The following MAP2 variants were observed in gnomAD, a reference collection of about 807,000 sequenced individuals.
MAP2 encodes microtubule associated protein 2.
MAP2 carries 14 observed loss-of-function variants against 137.6 expected under a neutral mutation model. The observed-to-expected ratio is 0.10, with a 90% CI of 0.07 to 0.16. The LOEUF is 0.16. MAP2 is among the 10% of genes least tolerant of loss of function. The probability of loss-of-function intolerance (pLI) is 1.00; values close to 1 mark genes in which losing one functional copy is unlikely to be tolerated. For synonymous variants in MAP2, 786 were observed against 782.3 expected, an observed-to-expected ratio of 1.00 and a Z score of -0.08; for missense variants, 2,088 against 2,191.5, an observed-to-expected ratio of 0.95 and a Z score of 0.94.
chr2:209,527,934 G>GGGCA (rs1466671520), intron 2 of MAP2, among the ~76,000 whole-genome samples: 2 of 152,096 alleles, frequency 1.3e-5, no homozygotes, highest in Non-Finnish European at 2.9e-5. Context: ...CAAAATCCCT[G>GGGCA]TAATTTCTCT....
intron 1 of MAP2, among the ~76,000 whole-genome samples, chr2:209,465,469 T>C (rs1703903237): frequency 2.6e-5 from 4 of 152,116 alleles, no homozygotes; most frequent in East Asian, 1.9e-4. Flanking sequence ...ACACAAAATA[T>C]GGTATTGCAT....
chr2:209,677,552 TAGTG>T (rs982183378), intron 5 of MAP2, among the ~76,000 whole-genome samples: 9 of 152,196 alleles, frequency 5.9e-5, no homozygotes, highest in East Asian at 3.9e-4. Flanking sequence ...GCAGGTCTGA[TAGTG>T]AGTATGTTTC....
At chr2:209,453,558 C>T (rs1349580597) in intron 1 of MAP2, among the ~76,000 whole-genome samples, 2 of 152,140 alleles carry the variant, frequency 1.3e-5, no homozygotes, top group Non-Finnish European at 2.9e-5. Flanking sequence ...ATGACTGTTA[C>T]TGTTTATATT....
intron 1 of MAP2, among the ~76,000 whole-genome samples, chr2:209,430,145 A>G (rs991966354): frequency 4.0e-5 from 6 of 149,828 alleles, no homozygotes; most frequent in Non-Finnish European, 8.9e-5. Context: ...TCAGTTATTC[A>G]TTCTTTTTAT....
chr2:209,555,970 G>A lies in MAP2; in HGVS notation c.-171-24066G>A, dbSNP rs184820939. ...AATGGTATTAGTTCTGGAAAAGCTGGATTTTCTGCTTGAAAAGAAATTGAA... is the reference window on the plus strand; with the variant it reads ...AATGGTATTAGTTCTGGAAAAGCTGAATTTTCTGCTTGAAAAGAAATTGAA... On this transcript the variant is annotated intron_variant, in intron 2 of 15. Transcript: ENST00000682079. Among the ~76,000 whole-genome samples, 702 of 149,704 alleles carry A rather than the reference G, an allele frequency of 4.7e-3. 9 individuals are homozygous for A. The highest frequency in any genetic ancestry group is 0.016 in the African/African-American group (656 of 40,762).
chr2:209,562,280 A>G (rs757861662), intron 2 of MAP2, among the ~76,000 whole-genome samples: 1 of 152,140 alleles, frequency 6.6e-6, no homozygotes, highest in Non-Finnish European at 1.5e-5. Context: ...CAATATTACT[A>G]ATTTATTTAT....
chr2:209,497,623 G>A (rs576233592), intron 1 of MAP2, among the ~76,000 whole-genome samples: 12 of 152,302 alleles, frequency 7.9e-5, no homozygotes, highest in African/African-American at 2.9e-4. Context: ...AGCTCATGGG[G>A]AGGACTCAGG....
At chr2:209,624,359 C>T (rs932379926) in intron 3 of MAP2, among the ~76,000 whole-genome samples, 5 of 152,128 alleles carry the variant, frequency 3.3e-5, no homozygotes, top group African/African-American at 7.2e-5. Context: ...ATGTATTGTG[C>T]GTCCTTTGTA....
At chr2:209,466,019 G>A (rs1246428212) in intron 1 of MAP2, among the ~76,000 whole-genome samples, 1 of 152,100 alleles carries the variant, frequency 6.6e-6, no homozygotes, top group East Asian at 1.9e-4. Flanking sequence ...CTTACCAAAT[G>A]ACCCAAAGCT....
Position 209,696,640 on chromosome 2 carries a change from A to G in MAP2, c.4279A>G (p.Lys1427Glu), listed in dbSNP as rs773768117. Residue 1427 changes from lysine (K) to glutamate (E), a missense_variant, in exon 9 of 16, where the codon AAA becomes GAA. By Grantham distance (56) the Lys-to-Glu change is moderately conservative. Transcript: ENST00000682079. ...GAGATCATCTCTTGAGAAACATAGA[A>G]AAGAAAAGCCTTTTAAAACCGGGAG... ...ARRSSLEKHR[K>E]EKPFKTGRGR... 6.2e-7 allele frequency: 1 copy of G among 1,613,930 alleles called. No homozygotes were observed. Among genetic ancestry groups the G allele is most frequent in the Non-Finnish European group, 8.5e-7 (1 of 1,179,894 alleles).
At chr2:209,455,852 C>T (rs1701414478) in intron 1 of MAP2, among the ~76,000 whole-genome samples, 1 of 152,166 alleles carries the variant, frequency 6.6e-6, no homozygotes, top group Non-Finnish European at 1.5e-5. Context: ...CCACATTATC[C>T]TTGCGAGTAC....
At chr2:209,508,613 G>C (rs748332523) in intron 2 of MAP2, among the ~76,000 whole-genome samples, 4 of 143,200 alleles carry the variant, frequency 2.8e-5, no homozygotes, top group Admixed American at 7.0e-5. Context: ...CACACACACA[G>C]AGATGAAAAA....
At chr2:209,428,143 AC>A (rs1320059240) in intron 1 of MAP2, among the ~76,000 whole-genome samples, 1 of 152,162 alleles carries the variant, frequency 6.6e-6, no homozygotes, top group Non-Finnish European at 1.5e-5. Context: ...TTTATGAAAA[AC>A]ACTTTGAATC....
At chr2:209,635,131 T>C (rs1310859401) in intron 4 of MAP2, among the ~76,000 whole-genome samples, 1 of 152,088 alleles carries the variant, frequency 6.6e-6, no homozygotes, top group African/African-American at 2.4e-5. Context: ...TCAGATATTT[T>C]ACATAACTCT....
At chr2:209,553,238 C>T (rs1390685519) in intron 2 of MAP2, among the ~76,000 whole-genome samples, 1 of 152,104 alleles carries the variant, frequency 6.6e-6, no homozygotes, top group Non-Finnish European at 1.5e-5. Flanking sequence ...GTCTCGATCT[C>T]TTGACCTCGT....
At position 209,455,355 on chromosome 2, in the gene MAP2, T is replaced by C. The variant is rs113513035; in HGVS notation, c.-222+31079T>C. On this transcript the variant is annotated intron_variant, in intron 1 of 15. Transcript: ENST00000682079. Reference sequence around the variant, plus strand: ...TTTATTTTTTGATCTTATTTTGTCTTTATGAACAATCACATTTTAAAGGCA... The same window carrying C: ...TTTATTTTTTGATCTTATTTTGTCTCTATGAACAATCACATTTTAAAGGCA... Among the ~76,000 whole-genome samples the C allele has an allele frequency of 3.6e-3, 550 of 152,334 alleles. 3 individuals carry two copies. The highest frequency in any genetic ancestry group is 4.8e-3 in the Non-Finnish European group (329 of 68,024).
In MAP2 at chr2:209,693,888, T is replaced by C; in HGVS notation, c.1718T>C (p.Phe573Ser). ...GATAAATCAGGAATGTCCAAGTACTTTGAAACATCTGCCTTGAAAGAAGAA... is the reference window on the plus strand; with the variant it reads ...GATAAATCAGGAATGTCCAAGTACTCTGAAACATCTGCCTTGAAAGAAGAA... Reference protein sequence around the residue: ...YEDKSGMSKYFETSALKEEAT... With the variant: ...YEDKSGMSKYSETSALKEEAT... The change falls in exon 8 of 16, where the codon TTT (phenylalanine) becomes TCT (serine). Residue 573 changes from phenylalanine (F) to serine (S), a missense_variant. Phe to Ser is a radical substitution (Grantham distance 155, BLOSUM62 -2). Coordinates refer to ENST00000682079, the MANE Select transcript of MAP2 (RefSeq NM_001375505.1). 6.2e-7 allele frequency: 1 copy of C among 1,611,642 alleles called. No homozygotes were observed. The highest frequency in any genetic ancestry group is 2.2e-5 in the East Asian group (1 of 44,872).
intron 2 of MAP2, among the ~76,000 whole-genome samples, chr2:209,538,919 T>C (rs983590028): frequency 1.3e-5 from 2 of 152,156 alleles, no homozygotes; most frequent in Non-Finnish European, 1.5e-5. Flanking sequence ...TAACCAGTGG[T>C]TTCCATCTTG....
Position 209,730,429 on chromosome 2 carries a change from T to C in MAP2, c.*32T>C. 1 of 1,533,926 alleles carries C rather than the reference T, an allele frequency of 6.5e-7. No homozygotes were observed. On this transcript the variant is annotated 3_prime_UTR_variant, in exon 16 of 16. Coordinates refer to ENST00000682079, the MANE Select transcript of MAP2 (RefSeq NM_001375505.1). ...CTCATTTAGCATTGAAATAATAATA[T>C]TTAGGCATGAGCTCTTGGCAGGAGT...
Sources: gnomAD v4.1 joint callset for allele counts (sites outside exome capture counted in the v4.1 genomes callset) on GRCh38, gnomAD v4.1.1 for gene constraint, MANE v1.5 for transcripts, NCBI Gene and HGNC (gene_info 2026-07-23, HGNC 2026-07-21) for gene names.